MTSS1: variants seen among roughly 807,000 people sequenced by gnomAD.
The protein encoded by MTSS1 is MTSS I-BAR domain containing 1.
In MTSS1, 18 loss-of-function variants were observed where a neutral mutation model predicts 79.0. That is an observed-to-expected ratio of 0.23 (90% CI 0.16 to 0.34). The LOEUF is 0.34. MTSS1 is among the 10% of genes least tolerant of loss of function. The probability of loss-of-function intolerance (pLI) is 1.00; values close to 1 mark genes in which losing one functional copy is unlikely to be tolerated. For missense variants in MTSS1, 815 were observed against 986.2 expected (o/e 0.83, Z 2.33); for synonymous variants, 341 against 368.6 (o/e 0.93, Z 0.86).
intron 5 of MTSS1, among the ~76,000 whole-genome samples, chr8:124,588,265 G>A (rs1831215713): frequency 6.6e-6 from 1 of 152,186 alleles, no homozygotes; most frequent in South Asian, 2.1e-4. Flanking sequence ...CACACTCCCA[G>A]AGCACCCGGT....
At position 124,554,192 on chromosome 8, in the gene MTSS1, T is replaced by C. The variant is rs372452567; in HGVS notation, c.1568-500A>G. Among the ~76,000 whole-genome samples, 3 of 152,312 alleles carry C rather than the reference T, an allele frequency of 2.0e-5. No homozygotes were observed. The East Asian group carries it at 5.8e-4, about 29-fold the overall frequency. ...AAGGGACAAAGACAGTTTCCATCAG[T>C]GTCATGTGCTCACTTCCTTGTAAGA... On this transcript the variant is annotated intron_variant, in intron 13 of 13. Coordinates refer to ENST00000518547, the MANE Select transcript of MTSS1 (RefSeq NM_014751.6).
intron 10 of MTSS1, among the ~76,000 whole-genome samples, chr8:124,559,336 G>A (rs1421080757): frequency 6.6e-6 from 1 of 152,156 alleles, no homozygotes; most frequent in Non-Finnish European, 1.5e-5. Flanking sequence ...GGAATGGCTC[G>A]ACTTCCTGGA....
At chr8:124,563,858 C>T (rs1003567908) in intron 9 of MTSS1, among the ~76,000 whole-genome samples, 2 of 152,178 alleles carry the variant, frequency 1.3e-5, no homozygotes, top group Non-Finnish European at 2.9e-5. Flanking sequence ...TGGCCAGGTG[C>T]GGTGGCTTAC....
rs776415609 is a variant in MTSS1 at position 124,556,275 on chromosome 8, T to G, written c.1361A>C (p.Glu454Ala). The G allele has an allele frequency of 1.9e-5, 31 of 1,614,102 alleles. No homozygotes were observed. Among genetic ancestry groups the G allele is most frequent in the African/African-American group, 4.0e-5 (3 of 74,940 alleles). The change falls in exon 12 of 14, where the codon GAG becomes GCG. Residue 454 changes from glutamate to alanine, a missense_variant. Transcript: ENST00000518547. ...TASGPPAAAE[E>A]AQRPRSMTVS... The stretch of plus-strand genomic sequence containing the variant: ...AGTCATGCTCCGTGGTCTCTGAGCC[T>G]CCTCAGCTGCTGCAGGTGGGCCGCT...
intron 9 of MTSS1, chr8:124,563,200 T>C: frequency 1.7e-6 from 1 of 576,532 alleles, no homozygotes; most frequent in Non-Finnish European, 3.1e-6. Flanking sequence ...AACAAAATGC[T>C]TTTCCAGGTG....
intron 6 of MTSS1, among the ~76,000 whole-genome samples, chr8:124,573,098 T>C (rs1053562147): frequency 3.9e-5 from 6 of 152,188 alleles, no homozygotes; most frequent in Non-Finnish European, 7.3e-5. Context: ...ACAGCTCCCA[T>C]TGCTCGCAAG....
chr8:124,607,347 G>A (rs1285312073), intron 3 of MTSS1, among the ~76,000 whole-genome samples: 2 of 152,088 alleles, frequency 1.3e-5, no homozygotes, highest in African/African-American at 2.4e-5. Flanking sequence ...ACTCATCTGG[G>A]GTCATTTAAA....
intron 1 of MTSS1, among the ~76,000 whole-genome samples, chr8:124,710,679 A>G (rs903540865): frequency 7.0e-6 from 1 of 142,486 alleles, no homozygotes; most frequent in African/African-American, 2.6e-5. Flanking sequence ...CATGGTGCAG[A>G]GAATAACTGT....
intron 1 of MTSS1, among the ~76,000 whole-genome samples, chr8:124,706,411 G>A (rs933815959): frequency 6.6e-6 from 1 of 152,170 alleles, no homozygotes; most frequent in Admixed American, 6.5e-5. Context: ...TCAAATTAGA[G>A]GTTCTGGCAA....
chr8:124,670,785 T>C (rs1824015799), intron 3 of MTSS1, among the ~76,000 whole-genome samples: 1 of 152,088 alleles, frequency 6.6e-6, no homozygotes, highest in African/African-American at 2.4e-5. Context: ...GTCTCCAAAG[T>C]GGTTAAAGAG....
chr8:124,632,794 A>G (rs1587448560), intron 3 of MTSS1, among the ~76,000 whole-genome samples: 1 of 152,258 alleles, frequency 6.6e-6, no homozygotes, highest in South Asian at 2.1e-4. Flanking sequence ...CAGCCTTCCA[A>G]GTAGCTGGGA....
chr8:124,611,113 C>CCT (rs1554671348), intron 3 of MTSS1, among the ~76,000 whole-genome samples: 2 of 148,618 alleles, frequency 1.3e-5, no homozygotes, highest in African/African-American at 5.0e-5. Context: ...CAGACCCCCC[C>CCT]CCCCCAGCAT....
intron 3 of MTSS1, among the ~76,000 whole-genome samples, chr8:124,594,005 C>T (rs537618081): frequency 4.6e-5 from 7 of 152,100 alleles, no homozygotes; most frequent in South Asian, 2.1e-4. Context: ...ACAGGGATTG[C>T]GCTCCATCCT....
chr8:124,661,758 C>T (rs1822075776), intron 3 of MTSS1, among the ~76,000 whole-genome samples: 1 of 152,182 alleles, frequency 6.6e-6, no homozygotes, highest in Non-Finnish European at 1.5e-5. Flanking sequence ...AAAGGATTCC[C>T]CTCTTTCCCA....
rs376859427 is a variant in MTSS1 at position 124,653,793 on chromosome 8, A to AT, written c.208+45732dup. Among the ~76,000 whole-genome samples the AT allele has an allele frequency of 1.5e-4, 23 of 152,330 alleles. No individual in the cohort carries two copies. In the Middle Eastern group the frequency reaches 0.01, roughly 68 times the overall value. On this transcript the variant is annotated intron_variant, in intron 3 of 13. Coordinates refer to ENST00000518547, the MANE Select transcript of MTSS1 (RefSeq NM_014751.6). ...TTCATAACATTTACTTTGCATAAAA[A>AT]TATCTCCCTTTTCCCCCTAGGATAT...
At chr8:124,695,641 G>A (rs1344209003) in intron 3 of MTSS1, among the ~76,000 whole-genome samples, 1 of 152,168 alleles carries the variant, frequency 6.6e-6, no homozygotes, top group Middle Eastern at 3.2e-3. Flanking sequence ...TATCTATCAA[G>A]AGAATAATGA....
intron 3 of MTSS1, among the ~76,000 whole-genome samples, chr8:124,621,041 T>G (rs1813402991): frequency 6.6e-6 from 1 of 151,976 alleles, no homozygotes; most frequent in Non-Finnish European, 1.5e-5. Flanking sequence ...GCTCCTATGA[T>G]CCCCTGGAAT....
chr8:124,615,709 C>T (rs62530670), intron 3 of MTSS1, among the ~76,000 whole-genome samples: 38,806 of 152,114 alleles, frequency 0.26, 6,648 homozygotes, highest in African/African-American at 0.49. Context: ...ATGCACACTC[C>T]ACCACAACTA....
intron 10 of MTSS1, among the ~76,000 whole-genome samples, chr8:124,559,266 T>C (rs3793399): frequency 0.78 from 118,153 of 152,094 alleles, 46,038 homozygotes; most frequent in Middle Eastern, 0.8. Flanking sequence ...CTTATGTGCA[T>C]AGGTGTTATT....
Sources: gnomAD v4.1 joint callset for allele counts (sites outside exome capture counted in the v4.1 genomes callset) on GRCh38, gnomAD v4.1.1 for gene constraint, MANE v1.5 for transcripts, NCBI Gene and HGNC (gene_info 2026-07-23, HGNC 2026-07-21) for gene names.